The following SETD5 variants were observed in gnomAD, a reference collection of about 807,000 sequenced individuals.
SETD5 encodes SET domain containing 5.
In SETD5, 44 loss-of-function variants were observed where a neutral mutation model predicts 153.3. The ratio of observed to expected loss-of-function variants is 0.29; its 90% CI spans 0.23 to 0.37. SETD5 has a LOEUF of 0.37. SETD5 is among the 10% of genes least tolerant of loss of function. SETD5 has a pLI of 1.00. For synonymous variants in SETD5, 716 were observed against 645.2 expected (o/e 1.11, Z -1.66); for missense variants, 1,544 against 1,768.0 (o/e 0.87, Z 2.27).
At chr3:9,415,727 C>T (rs1042610522) in intron 1 of SETD5, among the ~76,000 whole-genome samples, 17 of 152,068 alleles carry the variant, frequency 1.1e-4, no homozygotes, top group Admixed American at 7.2e-4. Context: ...ATAGCTTGGA[C>T]TACAGGTATG....
chr3:9,399,043 T>A (rs2034283353), intron 1 of SETD5, among the ~76,000 whole-genome samples: 2 of 152,232 alleles, frequency 1.3e-5, no homozygotes, highest in Non-Finnish European at 2.9e-5. Context: ...TGTCTATATT[T>A]AAGTTCATTT....
intron 1 of SETD5, among the ~76,000 whole-genome samples, chr3:9,403,213 A>G (rs906291800): frequency 2.6e-5 from 4 of 152,166 alleles, no homozygotes; most frequent in Non-Finnish European, 5.9e-5. Context: ...CAAATTTGAT[A>G]CATTTCAGAA....
intron 2 of SETD5, among the ~76,000 whole-genome samples, chr3:9,426,677 G>A (rs4686343): frequency 2.8e-4 from 43 of 151,690 alleles, no homozygotes; most frequent in Admixed American, 1.7e-3. Flanking sequence ...ACAGGTGTGA[G>A]CCACCGCGCC....
intron 1 of SETD5, among the ~76,000 whole-genome samples, chr3:9,403,711 A>AT (rs2035201897): frequency 6.6e-6 from 1 of 152,180 alleles, no homozygotes; most frequent in African/African-American, 2.4e-5. Flanking sequence ...GCTCGCATAC[A>AT]AGTGGGATAG....
At chr3:9,474,259 T>C (rs1048529795) in intron 20 of SETD5, among the ~76,000 whole-genome samples, 190 bp from the exon 21 acceptor site, 1 of 151,754 alleles carries the variant, frequency 6.6e-6, no homozygotes, top group African/African-American at 2.4e-5. Flanking sequence ...TCTTTAAAAG[T>C]GGTTGTTGTT....
rs765491080 is a variant in SETD5 at position 9,434,862 on chromosome 3, G to A, written c.368G>A (p.Arg123Gln). The A allele has an allele frequency of 1.5e-5, 24 of 1,613,262 alleles. No homozygotes were observed. Among genetic ancestry groups the A allele is most frequent in the East Asian group, 4.5e-5 (2 of 44,868 alleles). The change falls in exon 6 of 23, where the codon CGG becomes CAG. Residue 123 changes from arginine (R) to glutamine (Q), a missense_variant. Physicochemically the swap from Arg to Gln is conservative, Grantham distance 43 (BLOSUM62 1). This residue lies in a region of SETD5 where 251 missense variants were observed against 326.9 expected (regional missense o/e 0.77). Coordinates refer to ENST00000402198, the MANE Select transcript of SETD5 (RefSeq NM_001080517.3). The surrounding 1 kb of genome is among the most constrained non-coding windows in gnomAD (Gnocchi z 5.6). ...GGGAAGGTTATTAGACTTCATCGGC[G>A]GAAGCAGGACAACATATCAGGTGAG... Reference protein sequence around the residue: ...SRGKVIRLHRRKQDNISGGDS... With the variant: ...SRGKVIRLHRQKQDNISGGDS...
intron 17 of SETD5, among the ~76,000 whole-genome samples, chr3:9,454,641 A>C (rs867706633): frequency 4.0e-5 from 6 of 151,356 alleles, no homozygotes; most frequent in African/African-American, 7.3e-5. Flanking sequence ...AAAAAAAAAA[A>C]AAAAAAAAAC....
chr3:9,447,329 G>A, intron 14 of SETD5, 22 bp downstream of exon 14: 1 of 1,595,912 alleles, frequency 6.3e-7, no homozygotes, highest in Non-Finnish European at 8.5e-7. Flanking sequence ...AAAGACTTCA[G>A]CACTTAGACA....
intron 1 of SETD5, among the ~76,000 whole-genome samples, chr3:9,403,483 A>G (rs533870810): frequency 6.6e-6 from 1 of 152,312 alleles, no homozygotes; most frequent in Middle Eastern, 3.4e-3. Context: ...CCTTTATGAA[A>G]TAGTTGCTCG....
At chr3:9,417,963 C>T (rs1187542105) in intron 1 of SETD5, among the ~76,000 whole-genome samples, 4 of 133,916 alleles carry the variant, frequency 3.0e-5, no homozygotes, top group South Asian at 2.4e-4. Context: ...TTTTTTGAGA[C>T]GGAGTCTTGC....
At chr3:9,436,977 A>T in intron 7 of SETD5, 1 of 1,167,668 alleles carries the variant, frequency 8.6e-7, no homozygotes, top group African/African-American at 1.6e-5. Context: ...ATGGTCTGGG[A>T]ATCTTGGACT....
intron 17 of SETD5, among the ~76,000 whole-genome samples, chr3:9,459,839 GGGAGGAGAA>G (rs1156657589): frequency 6.6e-6 from 1 of 152,030 alleles, no homozygotes; most frequent in Non-Finnish European, 1.5e-5. Context: ...GGTCAAATGG[GGGAGGAGAA>G]GTCATAACAC....
chr3:9,410,678 G>A (rs1299325453), intron 1 of SETD5, among the ~76,000 whole-genome samples: 2 of 151,996 alleles, frequency 1.3e-5, no homozygotes, highest in South Asian at 2.1e-4. Context: ...ATGTTTTGTC[G>A]ATACTTCCCC....
Position 9,435,917 on chromosome 3 carries a change from T to C in SETD5, c.567+11T>C. ...ACGAAGAAAATCAAGGTATGCAGGGTAAAAATATCTTAAATAGAAATTGTC... is the reference window on the plus strand; with the variant it reads ...ACGAAGAAAATCAAGGTATGCAGGGCAAAAATATCTTAAATAGAAATTGTC... On this transcript the variant is annotated intron_variant, in intron 7 of 22. Transcript: ENST00000402198. 6.4e-7 allele frequency: 1 copy of C among 1,554,566 alleles called. No individual in the cohort carries two copies.
chr3:9,451,677 T>A (rs1436362096), intron 16 of SETD5, among the ~76,000 whole-genome samples: 1 of 152,146 alleles, frequency 6.6e-6, no homozygotes, highest in African/African-American at 2.4e-5. Flanking sequence ...AACTCCTGAG[T>A]GCAAGGAGTC....
rs771582986 is a variant in SETD5 at position 9,453,857 on chromosome 3, A to G, written c.2465A>G (p.Lys822Arg). ...AATAGTAGCTCTTCTAGTATCTGCA[A>G]AGACAATGCAGGTACGTATCTAAAA... Reference protein sequence around the residue: ...NENSSSSSICKDNADLLSPLK... With the variant: ...NENSSSSSICRDNADLLSPLK... Residue 822 changes from lysine to arginine, a missense_variant, in exon 17 of 23, where the codon AAA becomes AGA. By Grantham distance (26) the Lys-to-Arg change is conservative. Coordinates refer to ENST00000402198, the MANE Select transcript of SETD5 (RefSeq NM_001080517.3). 2 of 1,581,650 alleles carry G rather than the reference A, an allele frequency of 1.3e-6. No individual in the cohort carries two copies. Among genetic ancestry groups the G allele is most frequent in the African/African-American group, 1.4e-5 (1 of 73,174 alleles).
chr3:9,461,764 A>G (rs2043978742), intron 17 of SETD5, among the ~76,000 whole-genome samples: 1 of 152,196 alleles, frequency 6.6e-6, no homozygotes, highest in Non-Finnish European at 1.5e-5. Context: ...CCTTTCTACA[A>G]CTAACTTCAT....
chr3:9,451,991 T>G (rs2042675222), intron 16 of SETD5, among the ~76,000 whole-genome samples: 1 of 152,210 alleles, frequency 6.6e-6, no homozygotes, highest in South Asian at 2.1e-4. Context: ...TCTTGTTAGA[T>G]ACAAACAAAT....
At chr3:9,400,219 T>G (rs1285117389) in intron 1 of SETD5, among the ~76,000 whole-genome samples, 3 of 152,362 alleles carry the variant, frequency 2.0e-5, no homozygotes, top group Non-Finnish European at 2.9e-5. Flanking sequence ...GCCTTTCTTT[T>G]TTTGTTTGTT....
Sources: allele counts gnomAD v4.1 joint callset (sites outside exome capture counted in the v4.1 genomes callset), GRCh38; gene constraint gnomAD v4.1.1; regional missense constraint gnomAD v4.1.1; non-coding constraint Gnocchi (gnomAD v3.1); transcripts MANE v1.5; gene names NCBI Gene and HGNC (gene_info 2026-07-23, HGNC 2026-07-21).